The following ZNF131 variants were observed in gnomAD, a reference collection of about 807,000 sequenced individuals.
ZNF131 encodes the protein zinc finger and BTB domain containing 35, also known as zinc finger protein 131.
In ZNF131, 7 loss-of-function variants were observed where a neutral mutation model predicts 60.0. The ratio of observed to expected loss-of-function variants is 0.12; its 90% CI spans 0.07 to 0.22. ZNF131 has a LOEUF of 0.22. Ranked by LOEUF, ZNF131 falls within the 10% of genes least tolerant of loss-of-function variation. ZNF131 has a pLI of 1.00. For missense variants in ZNF131, 493 were observed against 740.9 expected (o/e 0.67, Z 3.88); for synonymous variants, 257 against 253.2 (o/e 1.01, Z -0.14).
intron 4 of ZNF131, among the ~76,000 whole-genome samples, chr5:43,146,461 C>T (rs1442281570): frequency 6.6e-6 from 1 of 152,010 alleles, no homozygotes; most frequent in African/African-American, 2.4e-5. Context: ...TGGTGGCGGG[C>T]ACCTGTAGTC....
intron 4 of ZNF131, among the ~76,000 whole-genome samples, chr5:43,141,983 T>C (rs1163938447): frequency 6.6e-6 from 1 of 152,124 alleles, no homozygotes; most frequent in Non-Finnish European, 1.5e-5. Flanking sequence ...TGTTGACTTT[T>C]TCCCCCATGC....
In ZNF131 at chr5:43,161,637, C is replaced by T; in HGVS notation, c.760C>T (p.Leu254=). 2 of 1,614,208 alleles carry T rather than the reference C, an allele frequency of 1.2e-6. No homozygotes were observed. The highest frequency in any genetic ancestry group is 1.3e-5 in the African/African-American group (1 of 75,058). The stretch of plus-strand genomic sequence containing the variant: ...AGGTATTGAAATTGTGGAACTTCAG[C>T]TGTCACATGTGAAGGACTTGTTCCA... ...VEGIEIVELQ[L]SHVKDLFHCE... The change falls in exon 5 of 7, where the codon CTG becomes TTG. Residue 254 remains leucine, a synonymous_variant. Transcript: ENST00000682664.
intron 5 of ZNF131, among the ~76,000 whole-genome samples, chr5:43,171,338 T>C (rs1016566794): frequency 3.9e-5 from 6 of 152,170 alleles, no homozygotes; most frequent in Non-Finnish European, 7.4e-5. Flanking sequence ...TCTAAAACCA[T>C]GTCCCATCTA....
intron 3 of ZNF131, among the ~76,000 whole-genome samples, chr5:43,136,502 T>G (rs1020862565): frequency 1.1e-4 from 14 of 129,192 alleles, no homozygotes; most frequent in African/African-American, 4.2e-4. Flanking sequence ...TTTTTTTTTT[T>G]TTTTGAGGTA....
At chr5:43,146,518 C>T (rs968790881) in intron 4 of ZNF131, among the ~76,000 whole-genome samples, 1 of 152,060 alleles carries the variant, frequency 6.6e-6, no homozygotes, top group Admixed American at 6.6e-5. Context: ...TGGCGTGAAC[C>T]TGGGAGGCAG....
intron 3 of ZNF131, among the ~76,000 whole-genome samples, chr5:43,125,267 T>G (rs1744378692): frequency 6.6e-6 from 1 of 152,006 alleles, no homozygotes; most frequent in Non-Finnish European, 1.5e-5. Flanking sequence ...TTAGGAAAGA[T>G]TTCAAAGAGG....
chr5:43,139,324 T>C lies in ZNF131; in HGVS notation c.371+15T>C, dbSNP rs762214083. Reference sequence around the variant, plus strand: ...CTTGAAGTCAGGTACTTAATTTCTTTAATGGGGTTCAGATAGTCATATTCA... The same window carrying C: ...CTTGAAGTCAGGTACTTAATTTCTTCAATGGGGTTCAGATAGTCATATTCA... On this transcript the variant is annotated intron_variant, in intron 4 of 6. Coordinates refer to ENST00000682664, the MANE Select transcript of ZNF131 (RefSeq NM_001330707.2). 1 of 1,597,094 alleles carries C rather than the reference T, an allele frequency of 6.3e-7. No individual in the cohort carries two copies.
chr5:43,144,344 T>G (rs894052605), intron 4 of ZNF131, among the ~76,000 whole-genome samples: 1 of 134,260 alleles, frequency 7.4e-6, no homozygotes, highest in African/African-American at 2.8e-5. Flanking sequence ...TTCTCCTGCC[T>G]CAGCCTCCTG....
In ZNF131 at chr5:43,175,396, G is replaced by T. The variant is rs1751466833; in HGVS notation, c.*263G>T. 4.3e-6 allele frequency: 3 copies of T among 692,102 alleles called. No homozygotes were observed. The highest frequency in any genetic ancestry group is 3.1e-5 in the South Asian group (2 of 64,784). 42.9% of individuals were successfully genotyped at this position (692,102 alleles called of 1,614,324 possible). ...AAATGGATTATATTCTTATTATATAGTTGGGTACGAATGTATCTATTTTCA... is the reference window on the plus strand; with the variant it reads ...AAATGGATTATATTCTTATTATATATTTGGGTACGAATGTATCTATTTTCA... On this transcript the variant is annotated 3_prime_UTR_variant, in exon 7 of 7. Coordinates refer to ENST00000682664, the MANE Select transcript of ZNF131 (RefSeq NM_001330707.2).
chr5:43,121,798 G>C (rs1040936212), intron 1 of ZNF131: 1 of 312,336 alleles, frequency 3.2e-6, no homozygotes, highest in Non-Finnish European at 5.9e-6. Flanking sequence ...TGCCCACCCC[G>C]CTCTAGCTCG....
rs1383860410 is a variant in ZNF131, at chr5:43,161,812, T to A, written c.935T>A (p.Leu312His). The A allele has an allele frequency of 6.2e-7, 1 of 1,614,222 alleles. No individual in the cohort carries two copies. Among genetic ancestry groups the A allele is most frequent in the East Asian group, 2.2e-5 (1 of 44,886 alleles). ...AWKQHLNCYH[L>H]EEGGVSKKQR... ...AAACAGCACCTAAATTGTTACCACCTTGAAGAAGGTGGAGTCAGTAAGAAG... is the reference window on the plus strand; with the variant it reads ...AAACAGCACCTAAATTGTTACCACCATGAAGAAGGTGGAGTCAGTAAGAAG... The change falls in exon 5 of 7, where the codon CTT (leucine) becomes CAT (histidine). Residue 312 changes from leucine to histidine, a missense_variant. This residue lies in a region of ZNF131 where 22 missense variants were observed against 26.7 expected (regional missense o/e 0.82). Transcript: ENST00000682664.
intron 4 of ZNF131, among the ~76,000 whole-genome samples, chr5:43,139,547 A>G (rs1369839620): frequency 6.6e-6 from 1 of 152,236 alleles, no homozygotes; most frequent in African/African-American, 2.4e-5. Context: ...ATGTAATAAA[A>G]TAAATCTAGA....
chr5:43,147,905 A>T (rs1292522354), intron 4 of ZNF131, among the ~76,000 whole-genome samples: 2 of 151,556 alleles, frequency 1.3e-5, no homozygotes, highest in East Asian at 3.9e-4. Context: ...ATACAAAAAA[A>T]TATCTGGGTG....
At chr5:43,158,490 A>G (rs1014489375) in intron 4 of ZNF131, among the ~76,000 whole-genome samples, 13 of 144,132 alleles carry the variant, frequency 9.0e-5, no homozygotes, top group East Asian at 4.2e-4. Context: ...GGGTTTCTCT[A>G]TGTTGGTCAG....
chr5:43,131,517 A>C (rs1197356745), intron 3 of ZNF131, among the ~76,000 whole-genome samples: 1 of 152,152 alleles, frequency 6.6e-6, no homozygotes, highest in African/African-American at 2.4e-5. Flanking sequence ...TGGCATACGA[A>C]GTTTTCTCCA....
chr5:43,126,635 A>G (rs1255725073), intron 3 of ZNF131, among the ~76,000 whole-genome samples: 3 of 152,154 alleles, frequency 2.0e-5, no homozygotes, highest in Admixed American at 2.0e-4. Context: ...AGAGGGGCTC[A>G]TTTCCTGAAC....
At chr5:43,143,721 TATAGGGTACA>T (rs1381304822) in intron 4 of ZNF131, among the ~76,000 whole-genome samples, 1 of 152,028 alleles carries the variant, frequency 6.6e-6, no homozygotes, top group Non-Finnish European at 1.5e-5. Context: ...GGGAGCTCTT[TATAGGGTACA>T]CCATCAGTGT....
intron 4 of ZNF131, among the ~76,000 whole-genome samples, chr5:43,145,605 A>T (rs1227595539): frequency 6.6e-6 from 1 of 152,056 alleles, no homozygotes; most frequent in Non-Finnish European, 1.5e-5. Context: ...GTAAGCCAAG[A>T]TCGCACCACT....
intron 2 of ZNF131, 54 bp downstream of exon 2, chr5:43,122,231 C>A: frequency 6.6e-7 from 1 of 1,511,462 alleles, no homozygotes; most frequent in Non-Finnish European, 8.9e-7. Context: ...TTTTTTCTGT[C>A]CTTCGGACAC....
Sources: gnomAD v4.1 joint callset for allele counts (sites outside exome capture counted in the v4.1 genomes callset) on GRCh38, gnomAD v4.1.1 for gene constraint, gnomAD v4.1.1 regional missense constraint, MANE v1.5 for transcripts, NCBI Gene and HGNC (gene_info 2026-07-23, HGNC 2026-07-21) for gene names.